The following PLEKHG1 variants were observed in gnomAD, a reference collection of about 807,000 sequenced individuals.
PLEKHG1 encodes pleckstrin homology domain-containing family G member 1.
In PLEKHG1, 44 loss-of-function variants were observed where a neutral mutation model predicts 100.8. That is an observed-to-expected ratio of 0.44 (90% CI 0.34 to 0.56). The LOEUF (loss-of-function observed/expected upper bound fraction) is 0.56. Among genes scored for constraint, PLEKHG1 ranks in the 20% least tolerant of loss-of-function variants. The pLI is 0.01. For missense variants in PLEKHG1, 1,545 were observed against 1,720.9 expected (o/e 0.90, Z 1.81); for synonymous variants, 640 against 662.5 (o/e 0.97, Z 0.52).
At chr6:150,805,366 T>C (rs1787010114) in intron 7 of PLEKHG1, among the ~76,000 whole-genome samples, 1 of 152,220 alleles carries the variant, frequency 6.6e-6, no homozygotes, top group African/African-American at 2.4e-5. Context: ...CTAAACTATG[T>C]AAAGACTTTT....
At chr6:150,677,575 T>C (rs923004902) in intron 3 of PLEKHG1, among the ~76,000 whole-genome samples, 5 of 152,132 alleles carry the variant, frequency 3.3e-5, no homozygotes, top group Non-Finnish European at 5.9e-5. Context: ...GGGGGCCCAC[T>C]TATGTTCACA....
At chr6:150,719,148 CCTT>C (rs1418839486), upstream of PLEKHG1, among the ~76,000 whole-genome samples, 1 of 152,148 alleles carries the variant, frequency 6.6e-6, no homozygotes, top group Non-Finnish European at 1.5e-5. Context: ...TCAAAGCTGT[CCTT>C]CAGGACTGTC....
intron 2 of PLEKHG1, among the ~76,000 whole-genome samples, chr6:150,765,114 G>A (rs1230020937): frequency 1.3e-5 from 2 of 152,118 alleles, no homozygotes; most frequent in Non-Finnish European, 2.9e-5. Flanking sequence ...GCATCCCAAC[G>A]TAATACATGA....
At chr6:150,789,874 T>C (rs774904861) in intron 4 of PLEKHG1, among the ~76,000 whole-genome samples, 5 of 152,096 alleles carry the variant, frequency 3.3e-5, no homozygotes, top group Non-Finnish European at 7.4e-5. Context: ...AACCAATAAG[T>C]GAACTCAAGT....
intron 2 of PLEKHG1, among the ~76,000 whole-genome samples, chr6:150,754,811 G>A (rs1363121901): frequency 6.6e-6 from 1 of 151,856 alleles, no homozygotes; most frequent in Non-Finnish European, 1.5e-5. Flanking sequence ...TGGGATTACA[G>A]GCATGCACCA....
chr6:150,610,355 G>A (rs1776772406), intron 1 of PLEKHG1, among the ~76,000 whole-genome samples: 1 of 152,214 alleles, frequency 6.6e-6, no homozygotes, highest in South Asian at 2.1e-4. Context: ...ACCTGCTTCG[G>A]CCTCCCGAAG....
intron 15 of PLEKHG1, 95 bp from the exon 17 acceptor site, chr6:150,839,738 A>T (rs1777414470): frequency 2.4e-6 from 2 of 822,264 alleles, no homozygotes; most frequent in Admixed American, 4.8e-5. Flanking sequence ...TCAAAATTTT[A>T]AAATACGTTG....
intron 1 of PLEKHG1, among the ~76,000 whole-genome samples, chr6:150,629,216 T>C (rs1777641264): frequency 6.6e-6 from 1 of 152,188 alleles, no homozygotes; most frequent in African/African-American, 2.4e-5. Context: ...TGACAGTATC[T>C]GTCAAGGCCT....
At chr6:150,704,307 C>A (rs1780918778) in intron 3 of PLEKHG1, among the ~76,000 whole-genome samples, 1 of 152,184 alleles carries the variant, frequency 6.6e-6, no homozygotes. Flanking sequence ...GTCTCAAGGG[C>A]CCCTCTTGTC....
chr6:150,827,644 C>T (rs1776688243), intron 14 of PLEKHG1: 7 of 819,742 alleles, frequency 8.5e-6, no homozygotes, highest in Admixed American at 1.7e-5. Flanking sequence ...CTGGCTTGAG[C>T]AACTGAACTG....
chr6:150,687,702 T>C (rs1001046560), intron 3 of PLEKHG1, among the ~76,000 whole-genome samples: 2 of 152,290 alleles, frequency 1.3e-5, no homozygotes, highest in African/African-American at 4.8e-5. Flanking sequence ...ATAGAAGTCA[T>C]AGACTCCCAG....
chr6:150,650,655 C>G (rs1485964817), intron 2 of PLEKHG1, 73 bp from the exon 2 acceptor site: 1 of 152,184 alleles, frequency 6.6e-6, no homozygotes, highest in Non-Finnish European at 1.5e-5. Context: ...ATAGCTCATC[C>G]ATGTTCCACT....
intron 3 of PLEKHG1, 69 bp downstream of exon 4, chr6:150,768,807 T>C (rs1468263585): frequency 3.4e-6 from 3 of 894,780 alleles, no homozygotes; most frequent in Non-Finnish European, 5.5e-6. Flanking sequence ...GAATGCAGCC[T>C]AAGAAACTTT....
intron 2 of PLEKHG1, 65 bp downstream of exon 3, chr6:150,734,157 A>G (rs1782445115): frequency 1.3e-6 from 2 of 1,496,612 alleles, no homozygotes; most frequent in Non-Finnish European, 1.8e-6. Flanking sequence ...AGAAATGACA[A>G]AGCCAAGCCA....
At chr6:150,839,331 G>A (rs1004438470) in intron 15 of PLEKHG1, among the ~76,000 whole-genome samples, 1 of 152,152 alleles carries the variant, frequency 6.6e-6, no homozygotes, top group African/African-American at 2.4e-5. Flanking sequence ...GGCCAGGCTG[G>A]TCTTGAACTC....
intron 3 of PLEKHG1, among the ~76,000 whole-genome samples, chr6:150,674,628 C>CTCTCTCTCTCTCTCT (rs1554258825): frequency 1.3e-4 from 7 of 51,892 alleles, no homozygotes; most frequent in Non-Finnish European, 2.3e-4. Context: ...TTCTCTCTCT[C>CTCTCTCTCTCTCTCT]CTCCCTCTCT....
intron 2 of PLEKHG1, among the ~76,000 whole-genome samples, chr6:150,745,393 C>T (rs569670825): frequency 3.9e-5 from 6 of 152,220 alleles, no homozygotes; most frequent in South Asian, 2.1e-4. Flanking sequence ...TCAAAAATCA[C>T]GCACTTTGGC....
rs562975801 is a variant in PLEKHG1 at position 150,633,876 on chromosome 6, G to A, written c.-203-4204G>A. 2.0e-3 allele frequency among the ~76,000 whole-genome samples: 299 copies of A among 152,254 alleles called. 2 individuals are homozygous for A. The highest frequency in any genetic ancestry group is 6.9e-3 in the African/African-American group (286 of 41,540). On this transcript the variant is annotated intron_variant, in intron 1 of 3. Coordinates refer to the PLEKHG1 transcript ENST00000367326. ...CAGCAGTGAATGGCCGAGATGGAGAGTGCTGGTGACCAGGTTGCCCCTCCA... is the reference window on the plus strand; with the variant it reads ...CAGCAGTGAATGGCCGAGATGGAGAATGCTGGTGACCAGGTTGCCCCTCCA...
chr6:150,663,251 G>T (rs933572296), intron 3 of PLEKHG1: 6 of 152,152 alleles, frequency 3.9e-5, no homozygotes, highest in Non-Finnish European at 8.8e-5. Context: ...TATATAGAGA[G>T]AATTCATTCT....
Sources: allele counts gnomAD v4.1 joint callset (sites outside exome capture counted in the v4.1 genomes callset), GRCh38; gene constraint gnomAD v4.1.1; transcripts MANE v1.5; gene names NCBI Gene and HGNC (gene_info 2026-07-23, HGNC 2026-07-21).